The following PDIA5 variants were observed in gnomAD, a reference collection of about 807,000 sequenced individuals.
PDIA5 encodes protein disulfide isomerase family A member 5.
A neutral mutation model predicts 77.6 loss-of-function variants in PDIA5; 58 were observed. The observed-to-expected ratio is 0.75, with a 90% CI of 0.61 to 0.93. The LOEUF is 0.93. Among genes scored for constraint, PDIA5 ranks in the 40% least tolerant of loss-of-function variants. PDIA5 has a pLI of 0.00. For missense variants in PDIA5, 630 were observed against 647.7 expected, an observed-to-expected ratio of 0.97 and a Z score of 0.30; for synonymous variants, 250 against 252.1, an observed-to-expected ratio of 0.99 and a Z score of 0.08.
Position 123,110,971 on chromosome 3 carries a change from G to A in PDIA5, c.508G>A (p.Glu170Lys), listed in dbSNP as rs1422732282. The stretch of plus-strand genomic sequence containing the variant: ...CTTCAGACGGCTCCTGAAGAAGGAA[G>A]AGAAGCCGCTCCTGATCATGTTTTA... ...KDFRRLLKKE[E>K]KPLLIMFYAP... The change falls in exon 7 of 17, where the codon GAG becomes AAG. Residue 170 changes from glutamate to lysine, a missense_variant. Physicochemically the swap from Glu to Lys is moderately conservative, Grantham distance 56. Transcript: ENST00000316218. 1 of 1,613,930 alleles carries A rather than the reference G, an allele frequency of 6.2e-7. No homozygotes were observed. Among genetic ancestry groups the A allele is most frequent in the Non-Finnish European group, 8.5e-7 (1 of 1,179,904 alleles).
At chr3:123,158,268 A>G (rs1374435895) in intron 15 of PDIA5, among the ~76,000 whole-genome samples, 1 of 152,252 alleles carries the variant, frequency 6.6e-6, no homozygotes, top group East Asian at 1.9e-4. Flanking sequence ...AGGTATTGTT[A>G]CAGTGCTCAT....
At chr3:123,150,116 T>G in intron 13 of PDIA5, 118 bp from the exon 14 acceptor site, 1 of 712,516 alleles carries the variant, frequency 1.4e-6, no homozygotes, top group Non-Finnish European at 2.4e-6. Context: ...TTTAGAAGGA[T>G]TGTAGTGGTT....
intron 3 of PDIA5, among the ~76,000 whole-genome samples, chr3:123,101,420 T>G (rs1425576069): frequency 6.6e-6 from 1 of 152,176 alleles, no homozygotes; most frequent in Non-Finnish European, 1.5e-5. Flanking sequence ...TGTGCGTGAG[T>G]GCTTTGTAAA....
intron 3 of PDIA5, among the ~76,000 whole-genome samples, chr3:123,094,638 G>A (rs1018575016): frequency 6.6e-6 from 1 of 152,242 alleles, no homozygotes; most frequent in African/African-American, 2.4e-5. Context: ...GTCTGTGAAT[G>A]AGACACACCC....
chr3:123,140,182 G>C (rs149694627), intron 11 of PDIA5, among the ~76,000 whole-genome samples: 1 of 152,174 alleles, frequency 6.6e-6, no homozygotes, highest in African/African-American at 2.4e-5. Flanking sequence ...AGGGCCCTGG[G>C]GTAGAAATGA....
intron 11 of PDIA5, among the ~76,000 whole-genome samples, chr3:123,131,129 G>T (rs1330561888): frequency 6.6e-6 from 1 of 152,138 alleles, no homozygotes; most frequent in African/African-American, 2.4e-5. Flanking sequence ...AAATTAGCTG[G>T]GCATGTGGTG....
At position 123,124,146 on chromosome 3, in the gene PDIA5, C is replaced by G; in HGVS notation, c.690C>G (p.Ile230Met). Reference protein sequence around the residue: ...EEYSVRGFPTICYFEKGRFLF... With the variant: ...EEYSVRGFPTMCYFEKGRFLF... Reference sequence around the variant, plus strand: ...ACAGCGTGCGCGGCTTCCCCACCATCTGCTATTTTGAGTACGTCCCCCACT... The same window carrying G: ...ACAGCGTGCGCGGCTTCCCCACCATGTGCTATTTTGAGTACGTCCCCCACT... Residue 230 changes from isoleucine (I) to methionine (M), a missense_variant, in exon 9 of 17, where the codon ATC becomes ATG. Coordinates refer to ENST00000316218, the MANE Select transcript of PDIA5 (RefSeq NM_006810.4). 1 of 1,613,264 alleles carries G rather than the reference C, an allele frequency of 6.2e-7. No individual in the cohort carries two copies. The highest frequency in any genetic ancestry group is 8.5e-7 in the Non-Finnish European group (1 of 1,179,158).
chr3:123,102,517 A>C (rs758228476), intron 4 of PDIA5, 23 bp downstream of exon 4: 3 of 1,564,276 alleles, frequency 1.9e-6, no homozygotes, highest in Non-Finnish European at 2.6e-6. Context: ...GGGCATTTCC[A>C]ATTTCCAAGT....
chr3:123,080,550 A>G (rs2107910240), intron 1 of PDIA5, among the ~76,000 whole-genome samples: 1 of 152,304 alleles, frequency 6.6e-6, no homozygotes, highest in South Asian at 2.1e-4. Flanking sequence ...ACCTGATAAG[A>G]ACAGGCACAC....
At chr3:123,079,607 T>G (rs977181200) in intron 1 of PDIA5, among the ~76,000 whole-genome samples, 5 of 152,234 alleles carry the variant, frequency 3.3e-5, no homozygotes, top group African/African-American at 1.2e-4. Context: ...TTTATAGGTT[T>G]TAACTCTTAT....
chr3:123,147,993 T>A (rs559799967), intron 13 of PDIA5, among the ~76,000 whole-genome samples: 4 of 152,314 alleles, frequency 2.6e-5, no homozygotes, highest in African/African-American at 9.6e-5. Context: ...CTCTGTCCTT[T>A]CTGTGTGCCA....
intron 1 of PDIA5, among the ~76,000 whole-genome samples, chr3:123,084,138 G>C (rs1040468300): frequency 6.6e-6 from 1 of 152,040 alleles, no homozygotes; most frequent in Non-Finnish European, 1.5e-5. Context: ...TGCCACTCTA[G>C]GCAAATCCTG....
intron 10 of PDIA5, among the ~76,000 whole-genome samples, chr3:123,127,972 CG>C (rs1935282629): frequency 6.6e-6 from 1 of 152,148 alleles, no homozygotes; most frequent in African/African-American, 2.4e-5. Flanking sequence ...CTGGGGTAGG[CG>C]GGGAGTGAAA....
At chr3:123,096,001 G>A (rs1358566324) in intron 3 of PDIA5, among the ~76,000 whole-genome samples, 1 of 152,134 alleles carries the variant, frequency 6.6e-6, no homozygotes, top group Non-Finnish European at 1.5e-5. Context: ...TGTGTTATAA[G>A]CGTGGCTGTG....
intron 1 of PDIA5, among the ~76,000 whole-genome samples, chr3:123,082,419 C>T (rs1487137320): frequency 2.6e-5 from 4 of 152,034 alleles, no homozygotes; most frequent in African/African-American, 7.2e-5. Flanking sequence ...TAGGATGAGG[C>T]GAGTACCTAC....
intron 7 of PDIA5, among the ~76,000 whole-genome samples, chr3:123,115,354 G>A (rs185638914): frequency 9.1e-4 from 138 of 152,306 alleles, no homozygotes; most frequent in Non-Finnish European, 1.5e-3. Context: ...TTTAGTGGAT[G>A]TTTGGGACCT....
At position 123,150,341 on chromosome 3, in the gene PDIA5, C is replaced by G; in HGVS notation, c.1250C>G (p.Thr417Ser). Reference sequence around the variant, plus strand: ...GAGACCCTGAAGAAGAAGAAACACACCTTGGTCATGTTCTACGCCCCTTGT... The same window carrying G: ...GAGACCCTGAAGAAGAAGAAACACAGCTTGGTCATGTTCTACGCCCCTTGT... ...FRETLKKKKH[T>S]LVMFYAPWCP... Residue 417 changes from threonine (T) to serine (S), a missense_variant, in exon 14 of 17, where the codon ACC (threonine) becomes AGC (serine). Coordinates refer to ENST00000316218, the MANE Select transcript of PDIA5 (RefSeq NM_006810.4). The G allele has an allele frequency of 6.2e-7, 1 of 1,613,920 alleles. No homozygotes were observed. The highest frequency in any genetic ancestry group is 8.5e-7 in the Non-Finnish European group (1 of 1,179,926).
chr3:123,111,910 A>C (rs1467905548), intron 7 of PDIA5, among the ~76,000 whole-genome samples: 1 of 152,148 alleles, frequency 6.6e-6, no homozygotes, highest in African/African-American at 2.4e-5. Flanking sequence ...GTACTGCTTC[A>C]TAACCCTCTG....
intron 7 of PDIA5, among the ~76,000 whole-genome samples, chr3:123,112,642 G>A (rs542149951): frequency 8.4e-4 from 122 of 144,610 alleles, no homozygotes; most frequent in African/African-American, 2.8e-3. Flanking sequence ...TCCGCCCCCC[G>A]GGTTCAAATG....
Sources: allele counts gnomAD v4.1 joint callset (sites outside exome capture counted in the v4.1 genomes callset), GRCh38; gene constraint gnomAD v4.1.1; transcripts MANE v1.5; gene names NCBI Gene and HGNC (gene_info 2026-07-23, HGNC 2026-07-21).